Variants in ALLC observed in about 807,000 individuals in gnomAD.
ALLC encodes the protein probable inactive allantoicase.
In ALLC, 40 loss-of-function variants were observed where a neutral mutation model predicts 45.0. That is an observed-to-expected ratio of 0.89 (90% CI 0.69 to 1.16). The LOEUF (loss-of-function observed/expected upper bound fraction) is 1.16. Ranked by LOEUF, ALLC falls within the 50% of genes most tolerant of loss-of-function variation. The pLI, the probability that ALLC is intolerant of heterozygous loss-of-function variation, is 0.00. For synonymous variants in ALLC, 176 were observed against 178.1 expected (o/e 0.99, Z 0.09); for missense variants, 488 against 493.1 (o/e 0.99, Z 0.10).
the ALLC span, among the ~76,000 whole-genome samples, chr2:3,650,636 GC>G: frequency 6.6e-6 from 1 of 152,192 alleles, no homozygotes; most frequent in Non-Finnish European, 1.5e-5. Context: ...CAGATGCTCT[GC>G]TCCTGGGGCG....
In ALLC at chr2:3,680,122, T is replaced by A. The variant is rs1287950162; in HGVS notation, c.298+128T>A. The A allele has an allele frequency of 1.5e-6, 2 of 1,323,506 alleles. No individual in the cohort carries two copies. The highest frequency in any genetic ancestry group is 2.1e-6 in the Non-Finnish European group (2 of 952,502). The allele number at this position is 1,323,506 out of a possible 1,614,324, so 82.0% of individuals were successfully genotyped here. A position where few individuals can be genotyped will look rare whatever the true frequency, so the allele number is the denominator to read the frequency against. On this transcript the variant is annotated intron_variant, in intron 5 of 11. Transcript: ENST00000252505. This position sits in a 1 kb window ranked among gnomAD's most constrained non-coding sequence, Gnocchi z 4.0. ...GCTTCAGGCGCTTGACTAAGGCTAC[T>A]TTACTGTAACGGGGCTGTAGGACCA...
chr2:3,670,187 C>G (rs1666827462), intron 1 of ALLC, among the ~76,000 whole-genome samples: 1 of 152,172 alleles, frequency 6.6e-6, no homozygotes, highest in African/African-American at 2.4e-5. Context: ...AAGAAAGTGT[C>G]CGTTTCATAG....
At chr2:3,647,040 G>C in the ALLC span, among the ~76,000 whole-genome samples, 1 of 152,078 alleles carries the variant, frequency 6.6e-6, no homozygotes, top group Admixed American at 6.5e-5. Flanking sequence ...CCGTGAGGAC[G>C]CAGAGCCACT....
chr2:3,674,045 TTA>T, intron 2 of ALLC, 28 bp from the exon 3 acceptor site: 26 of 1,462,902 alleles, frequency 1.8e-5, no homozygotes, highest in Non-Finnish European at 2.0e-5. Flanking sequence ...TATGGTTGCT[TTA>T]TCTTTCTTTC....
chr2:3,647,309 T>A, the ALLC span, among the ~76,000 whole-genome samples: 1 of 151,428 alleles, frequency 6.6e-6, no homozygotes, highest in African/African-American at 2.4e-5. Context: ...ATGCACACAC[T>A]CACACACACA....
At chr2:3,677,753 C>T (rs955785467) in intron 3 of ALLC, among the ~76,000 whole-genome samples, 1 of 152,228 alleles carries the variant, frequency 6.6e-6, no homozygotes, top group Non-Finnish European at 1.5e-5. Context: ...TTCCTCTGCT[C>T]CTGCCTGGGG....
intron 10 of ALLC, among the ~76,000 whole-genome samples, chr2:3,700,380 C>A (rs981225862): frequency 9.2e-5 from 14 of 152,094 alleles, no homozygotes; most frequent in African/African-American, 3.1e-4. Context: ...TTTTCTTGTT[C>A]ATACATACTT....
At chr2:3,661,701 A>G (rs180839000) in intron 1 of ALLC, among the ~76,000 whole-genome samples, 75 of 152,268 alleles carry the variant, frequency 4.9e-4, no homozygotes, top group Non-Finnish European at 9.6e-4. Flanking sequence ...TTTGGTGGTG[A>G]CTGATAACTC....
At chr2:3,701,733 C>A in intron 11 of ALLC, 97 bp downstream of exon 11, 1 of 1,386,284 alleles carries the variant, frequency 7.2e-7, no homozygotes, top group South Asian at 1.7e-5. Context: ...AGTTTCTGCT[C>A]AGTTTAATGG....
the ALLC span, among the ~76,000 whole-genome samples, chr2:3,651,426 TGTGTGTGTGTGTGTGTTA>T: frequency 4.6e-4 from 27 of 58,246 alleles, 1 homozygote; most frequent in African/African-American, 1.4e-3. Context: ...TGTGTGTGTG[TGTGTGTGTGTGTGTGTTA>T]GGAAGGGAGA....
upstream of ALLC, among the ~76,000 whole-genome samples, chr2:3,656,946 G>A (rs372462048): frequency 2.0e-5 from 3 of 152,210 alleles, no homozygotes; most frequent in South Asian, 2.1e-4. Flanking sequence ...TCTCCGCACC[G>A]TGAGCTTTGT....
intron 7 of ALLC, among the ~76,000 whole-genome samples, chr2:3,690,025 C>T (rs369021929): frequency 5.4e-5 from 8 of 147,696 alleles, no homozygotes; most frequent in Admixed American, 2.7e-4. Context: ...TCTTTTTTGG[C>T]CTCTGGTTGC....
At chr2:3,652,429 C>A in the ALLC span, among the ~76,000 whole-genome samples, 1 of 152,288 alleles carries the variant, frequency 6.6e-6, no homozygotes, top group East Asian at 1.9e-4. Context: ...GCTTTGTAGG[C>A]GTCCATGCCT....
intron 1 of ALLC, among the ~76,000 whole-genome samples, chr2:3,658,561 G>A (rs1666495851): frequency 6.7e-6 from 1 of 149,124 alleles, no homozygotes; most frequent in Non-Finnish European, 1.5e-5. Context: ...TGTGACTTTG[G>A]CCTTCTTAAA....
intron 7 of ALLC, among the ~76,000 whole-genome samples, chr2:3,683,781 C>A (rs916481642): frequency 1.3e-5 from 2 of 152,130 alleles, no homozygotes; most frequent in African/African-American, 4.8e-5. Context: ...CTGAAAGCCC[C>A]AAAATTTGAA....
At chr2:3,692,469 C>T (rs1481380275) in intron 7 of ALLC, among the ~76,000 whole-genome samples, 1 of 152,202 alleles carries the variant, frequency 6.6e-6, no homozygotes, top group Non-Finnish European at 1.5e-5. Context: ...ACCCACTGCC[C>T]ATGTGTTGGA....
the ALLC span, among the ~76,000 whole-genome samples, chr2:3,646,948 A>AT: frequency 0.65 from 98,906 of 151,274 alleles, 33,841 homozygotes; most frequent in East Asian, 0.78. Flanking sequence ...GTTGTCACTG[A>AT]GCAGGTCATC....
the ALLC span, among the ~76,000 whole-genome samples, chr2:3,646,595 T>C: frequency 6.6e-6 from 1 of 152,212 alleles, no homozygotes; most frequent in East Asian, 1.9e-4. Context: ...GATGTACAGC[T>C]GGAGAAGCAG....
intron 1 of ALLC, among the ~76,000 whole-genome samples, chr2:3,663,643 A>G (rs562174487): frequency 2.6e-5 from 4 of 152,288 alleles, no homozygotes; most frequent in African/African-American, 9.6e-5. Flanking sequence ...TAGGTCTTCA[A>G]TGGTAAGTAG....
Sources: gnomAD v4.1 joint callset for allele counts (sites outside exome capture counted in the v4.1 genomes callset) on GRCh38, gnomAD v4.1.1 for gene constraint, Gnocchi (gnomAD v3.1) non-coding constraint, MANE v1.5 for transcripts, NCBI Gene and HGNC (gene_info 2026-07-23, HGNC 2026-07-21) for gene names.